TMEM168: variants seen among roughly 807,000 people sequenced by gnomAD.
The protein encoded by TMEM168 is transmembrane protein 168.
Under a neutral mutation model 53.2 loss-of-function variants are expected in TMEM168, and 40 were observed. The ratio of observed to expected loss-of-function variants is 0.75; its 90% confidence interval spans 0.58 to 0.98. The LOEUF is 0.98. TMEM168 is among the 50% of genes least tolerant of loss of function. The probability of loss-of-function intolerance (pLI) is 0.00; values close to 1 mark genes in which losing one functional copy is unlikely to be tolerated. For synonymous variants in TMEM168, 282 were observed against 293.0 expected, an observed-to-expected ratio of 0.96 and a Z score of 0.38; for missense variants, 771 against 828.8, an observed-to-expected ratio of 0.93 and a Z score of 0.86.
chr7:112,772,926 A>G lies in TMEM168; in HGVS notation c.1401T>C (p.Tyr467=), dbSNP rs147072542. 1.2e-6 allele frequency: 2 copies of G among 1,614,010 alleles called. No individual in the cohort carries two copies. Among genetic ancestry groups the G allele is most frequent in the African/African-American group, 2.7e-5 (2 of 74,934 alleles). The change falls in exon 4 of 5, where the codon TAT becomes TAC. Residue 467 remains tyrosine, a synonymous_variant. Transcript: ENST00000312814. ...TATCAAATGACAGTCCACTTGTGGA[A>G]TAGTCACATCCATAGGTCTCAATCA... is the stretch of plus-strand genomic sequence containing the variant. ...YHMIETYGCD[Y]STSGLSFDTL...
At position 112,767,241 on chromosome 7, in the gene TMEM168, T is replaced by C. The variant is rs758364609; in HGVS notation, c.2050A>G (p.Thr684Ala). The change falls in exon 5 of 5, where the codon ACT becomes GCT. Residue 684 changes from threonine (T) to alanine (A), a missense_variant. Physicochemically the swap from Thr to Ala is moderately conservative, Grantham distance 58 (BLOSUM62 0). Coordinates refer to ENST00000312814, the MANE Select transcript of TMEM168 (RefSeq NM_022484.6). ...AAGCCTTGTCCTGTGTCCAGCACAG[T>C]AGGAAGAAACCAACTCATTTTTAAT... ...KRLKMSWFLPTVLDTGQGFKL... is the reference protein window; with the variant it reads ...KRLKMSWFLPAVLDTGQGFKL... 14 of 1,614,098 alleles carry C rather than the reference T, an allele frequency of 8.7e-6. 1 individual carries two copies. The Admixed American group carries it at 1.2e-4, about 13-fold the overall frequency.
rs1450279367 is a variant in TMEM168 at position 112,766,014 on chromosome 7, TTTG to T, written c.*1180_*1182del. The T allele has an allele frequency of 6.6e-6, 1 of 152,564 alleles. No individual in the cohort carries two copies. The highest frequency in any genetic ancestry group is 1.5e-5 in the Non-Finnish European group (1 of 68,002). 9.5% of individuals were successfully genotyped at this position (152,564 alleles called of 1,614,324 possible). A position where few individuals can be genotyped will look rare whatever the true frequency, so the allele number is the denominator to read the frequency against. ...CCAATTTAATTCTATTCCCTTCTTG[TTTG>T]TTATTTCTCATAGATGAAAATTTAG... On this transcript the variant is annotated 3_prime_UTR_variant, in exon 5 of 5. Transcript: ENST00000312814.
chr7:112,785,872 T>C (rs910046485), intron 1 of TMEM168, among the ~76,000 whole-genome samples: 2 of 152,158 alleles, frequency 1.3e-5, no homozygotes, highest in African/African-American at 4.8e-5. Context: ...TGATCAATGG[T>C]TCACGGTAAT....
chr7:112,772,865 G>A lies in TMEM168; in HGVS notation c.1462C>T (p.Arg488Trp), dbSNP rs139272317. ...TCATGTCTGGGTCCATCCACTGTCC[G>A]AAGTTCGAGGAAAGCTTTTAGTTTG... is the stretch of plus-strand genomic sequence containing the variant. ...HSKLKAFLEL[R>W]TVDGPRHDTY... The change falls in exon 4 of 5, where the codon CGG becomes TGG. Residue 488 changes from arginine (R) to tryptophan (W), a missense_variant. By Grantham distance (101) the Arg-to-Trp change is moderately radical. Transcript: ENST00000312814. The A allele has an allele frequency of 3.7e-6, 6 of 1,613,930 alleles. No individual in the cohort carries two copies. Among genetic ancestry groups the A allele is most frequent in the East Asian group, 4.5e-5 (2 of 44,880 alleles).
rs1400483845 is a variant in TMEM168, at chr7:112,784,018, C to CA, written c.807dup (p.Ala270CysfsTer5). ...AAAAATGTAAGCTCAATCATTCCAG[C>CA]AAAAACGACTGAAAGTCTTCTGCAA... On this transcript the variant is annotated frameshift_variant, in exon 2 of 5. Coordinates refer to ENST00000312814, the MANE Select transcript of TMEM168 (RefSeq NM_022484.6). LOFTEE classifies it high-confidence loss of function. The CA allele has an allele frequency of 4.3e-6, 7 of 1,613,136 alleles. No homozygotes were observed. The highest frequency in any genetic ancestry group is 5.9e-6 in the Non-Finnish European group (7 of 1,179,820).
At chr7:112,785,523 A>G (rs1250470839) in intron 1 of TMEM168, among the ~76,000 whole-genome samples, 3 of 152,220 alleles carry the variant, frequency 2.0e-5, no homozygotes, top group Non-Finnish European at 4.4e-5. Context: ...CTCAGTCCCT[A>G]AAGTTGAGCC....
At position 112,772,924 on chromosome 7, in the gene TMEM168, G is replaced by C; in HGVS notation, c.1403C>G (p.Ser468Cys). 1 of 1,614,040 alleles carries C rather than the reference G, an allele frequency of 6.2e-7. No individual in the cohort carries two copies. Among genetic ancestry groups the C allele is most frequent in the Non-Finnish European group, 8.5e-7 (1 of 1,179,984 alleles). ...HMIETYGCDY[S>C]TSGLSFDTLH... ...AGTATCAAATGACAGTCCACTTGTG[G>C]AATAGTCACATCCATAGGTCTCAAT... Residue 468 changes from serine (S) to cysteine (C), a missense_variant, in exon 4 of 5, where the codon TCC becomes TGC. Transcript: ENST00000312814.
intron 2 of TMEM168, among the ~76,000 whole-genome samples, chr7:112,776,748 ATGTG>A (rs1445607679): frequency 6.6e-6 from 1 of 151,120 alleles, no homozygotes; most frequent in Non-Finnish European, 1.5e-5. Context: ...ATACATATTC[ATGTG>A]TATGTTTTTT....
Position 112,767,336 on chromosome 7 carries a change from T to C in TMEM168, c.1955A>G (p.His652Arg). 6.2e-7 allele frequency: 1 copy of C among 1,614,184 alleles called. No individual in the cohort carries two copies. The highest frequency in any genetic ancestry group is 8.5e-7 in the Non-Finnish European group (1 of 1,180,002). The change falls in exon 5 of 5, where the codon CAT (histidine) becomes CGT (arginine). Residue 652 changes from histidine (H) to arginine (R), a missense_variant. Coordinates refer to ENST00000312814, the MANE Select transcript of TMEM168 (RefSeq NM_022484.6). Reference protein sequence around the residue: ...HFPRITYPLVHLANWLCGLNL... With the variant: ...HFPRITYPLVRLANWLCGLNL... ...CAGACCGCATAACCAATTTGCCAAA[T>C]GCACTAGGGGATATGTAATACGAGG... is the stretch of plus-strand genomic sequence containing the variant.
intron 4 of TMEM168, among the ~76,000 whole-genome samples, chr7:112,770,138 C>A (rs1409046433): frequency 6.6e-6 from 1 of 152,178 alleles, no homozygotes; most frequent in Admixed American, 6.5e-5. Flanking sequence ...TTCCTCAGAG[C>A]AGAGATATTC....
At position 112,763,551 on chromosome 7, in the gene TMEM168, G is replaced by C. The variant is rs931577868; in HGVS notation, c.*3646C>G. 6.6e-6 allele frequency: 1 copy of C among 152,068 alleles called. No individual in the cohort carries two copies. The highest frequency in any genetic ancestry group is 2.4e-5 in the African/African-American group (1 of 41,408). The allele number at this position is 152,068 out of a possible 1,614,324, so 9.4% of individuals were successfully genotyped here. A position where few individuals can be genotyped will look rare whatever the true frequency, so the allele number is the denominator to read the frequency against. On this transcript the variant is annotated 3_prime_UTR_variant, in exon 5 of 5. Transcript: ENST00000312814. Reference sequence around the variant, plus strand: ...CAGGAGACATTCGAAAGTACTGACAGATCTAACTCCTTTGAGCACTTACTG... The same window carrying C: ...CAGGAGACATTCGAAAGTACTGACACATCTAACTCCTTTGAGCACTTACTG...
In TMEM168 at chr7:112,784,724, C is replaced by A. The variant is rs747632788; in HGVS notation, c.102G>T (p.Arg34=). The change falls in exon 2 of 5, where the codon CGG becomes CGT. Residue 34 remains arginine, a synonymous_variant. Coordinates refer to ENST00000312814, the MANE Select transcript of TMEM168 (RefSeq NM_022484.6). ...NREVNMHSSV[R]YLGYLARINL... ...TGATTCTGGCTAAATAGCCAAGATA[C>A]CGCACTGAAGAATGCATGTTCACTT... 6.8e-5 allele frequency: 110 copies of A among 1,613,840 alleles called. 1 individual carries two copies. In the East Asian group the frequency reaches 2.4e-3, roughly 36 times the overall value.
At position 112,767,420 on chromosome 7, in the gene TMEM168, T is replaced by TC. The variant is rs1825336476; in HGVS notation, c.1870dup (p.Asp624GlyfsTer48). 6.2e-7 allele frequency: 1 copy of TC among 1,614,138 alleles called. No homozygotes were observed. The highest frequency in any genetic ancestry group is 1.3e-5 in the African/African-American group (1 of 75,036). ...TCCCGTTGGCAAATGCAGAGTGTAG[T>TC]CACTCCACCGTTTTGACACACCATA... On this transcript the variant is annotated frameshift_variant, in exon 5 of 5. Coordinates refer to ENST00000312814, the MANE Select transcript of TMEM168 (RefSeq NM_022484.6). LOFTEE classifies it high-confidence loss of function.
Position 112,772,827 on chromosome 7 carries a change from C to T in TMEM168, c.1500G>A (p.Leu500=), listed in dbSNP as rs1242354452. The T allele has an allele frequency of 6.2e-7, 1 of 1,614,004 alleles. No homozygotes were observed. Among genetic ancestry groups the T allele is most frequent in the South Asian group, 1.1e-5 (1 of 91,082 alleles). The change falls in exon 4 of 5, where the codon TTG becomes TTA. Residue 500 remains leucine, a synonymous_variant. Coordinates refer to ENST00000312814, the MANE Select transcript of TMEM168 (RefSeq NM_022484.6). ...TACCATGGGTGTGCCCACTGTAATA[C>T]AAAATATACGTATCATGTCTGGGTC... ...VDGPRHDTYI[L]YYSGHTHGTG...
At chr7:112,783,163 T>C (rs1230860680) in intron 2 of TMEM168, among the ~76,000 whole-genome samples, 1 of 152,238 alleles carries the variant, frequency 6.6e-6, no homozygotes, top group Non-Finnish European at 1.5e-5. Context: ...TTTCTTAGGA[T>C]AACCTCTAAT....
rs564211169 is a variant in TMEM168, at chr7:112,767,114, T to A, written c.*83A>T. ...GAAGTAGCAAGGTATTTTCCACAAA[T>A]AAAAATACAGCATACAAAAAATGGC... On this transcript the variant is annotated 3_prime_UTR_variant, in exon 5 of 5. Transcript: ENST00000312814. 7.3e-7 allele frequency: 1 copy of A among 1,370,032 alleles called. No individual in the cohort carries two copies. Among genetic ancestry groups the A allele is most frequent in the Non-Finnish European group, 9.9e-7 (1 of 1,009,834 alleles). The allele number at this position is 1,370,032 out of a possible 1,614,324, so 84.9% of individuals were successfully genotyped here.
chr7:112,780,442 C>G (rs769263222), intron 2 of TMEM168, among the ~76,000 whole-genome samples: 1 of 152,238 alleles, frequency 6.6e-6, no homozygotes, highest in Non-Finnish European at 1.5e-5. Flanking sequence ...ATTTCAGTGT[C>G]TCTCAACTGA....
intron 2 of TMEM168, chr7:112,778,603 A>G (rs111702475): frequency 1.4e-3 from 218 of 152,320 alleles, no homozygotes; most frequent in African/African-American, 5.1e-3. Context: ...CTATTAGAAA[A>G]AAGTATTAAA....
Position 112,772,954 on chromosome 7 carries a change from T to G in TMEM168, c.1373A>C (p.His458Pro). ...LNAIQRFFAYHMIETYGCDYS... is the reference protein window; with the variant it reads ...LNAIQRFFAYPMIETYGCDYS... ...GTCACATCCATAGGTCTCAATCATA[T>G]GATATGCAAAAAATCTTTGGATAGC... Residue 458 changes from histidine to proline, a missense_variant, in exon 4 of 5, where the codon CAT becomes CCT. By Grantham distance (77) the His-to-Pro change is moderately conservative (BLOSUM62 -2). Coordinates refer to ENST00000312814, the MANE Select transcript of TMEM168 (RefSeq NM_022484.6). 1 of 1,614,086 alleles carries G rather than the reference T, an allele frequency of 6.2e-7. No homozygotes were observed. Among genetic ancestry groups the G allele is most frequent in the East Asian group, 2.2e-5 (1 of 44,866 alleles).
Sources: gnomAD v4.1 joint callset for allele counts (sites outside exome capture counted in the v4.1 genomes callset) on GRCh38, gnomAD v4.1.1 for gene constraint, MANE v1.5 for transcripts, NCBI Gene and HGNC (gene_info 2026-07-23, HGNC 2026-07-21) for gene names.